The following DLG2 variants were observed in gnomAD, a reference collection of about 807,000 sequenced individuals.
DLG2 encodes disks large homolog 2.
A neutral mutation model predicts 132.5 loss-of-function variants in DLG2; 45 were observed. The ratio of observed to expected loss-of-function variants is 0.34; its 90% CI spans 0.27 to 0.44. DLG2 has a LOEUF of 0.44. DLG2 is among the 20% of genes least tolerant of loss of function. The pLI, the probability that DLG2 is intolerant of heterozygous loss-of-function variation, is 1.00. For missense variants in DLG2, 1,045 were observed against 1,196.9 expected (o/e 0.87, Z 1.87); for synonymous variants, 424 against 419.6 (o/e 1.01, Z -0.13).
At chr11:84,989,827 A>C (rs971932419) in intron 6 of DLG2, among the ~76,000 whole-genome samples, 1 of 152,190 alleles carries the variant, frequency 6.6e-6, no homozygotes, top group African/African-American at 2.4e-5. Flanking sequence ...ACTTACATGA[A>C]TAAGTATAAT....
At chr11:84,545,134 G>C in intron 6 of DLG2, 1 of 445,990 alleles carries the variant, frequency 2.2e-6, no homozygotes, top group Non-Finnish European at 4.4e-6. Flanking sequence ...GCAGTAATTA[G>C]AATTTTTGCC....
chr11:85,313,062 T>C (rs1050513637), intron 3 of DLG2, among the ~76,000 whole-genome samples: 1 of 151,928 alleles, frequency 6.6e-6, no homozygotes, highest in Admixed American at 6.6e-5. Context: ...AGACCATACA[T>C]GATGTGTGTC....
intron 7 of DLG2, among the ~76,000 whole-genome samples, chr11:84,407,458 CA>C (rs1342422535): frequency 1.3e-5 from 2 of 152,146 alleles, no homozygotes; most frequent in Non-Finnish European, 2.9e-5. Flanking sequence ...TAAGGCCATA[CA>C]TTTTGGATTT....
chr11:84,369,115 C>CA (rs2154427660), intron 7 of DLG2, among the ~76,000 whole-genome samples: 1 of 151,822 alleles, frequency 6.6e-6, no homozygotes, highest in African/African-American at 2.4e-5. Context: ...TTTTATACTG[C>CA]AATATGGCCG....
chr11:85,350,827 T>C (rs1394579950), intron 3 of DLG2, among the ~76,000 whole-genome samples: 1 of 151,954 alleles, frequency 6.6e-6, no homozygotes, highest in African/African-American at 2.4e-5. Context: ...TAGTATAGTT[T>C]GAAGTCAGGT....
Position 84,140,346 on chromosome 11 carries a change from G to A in DLG2, c.624+23115C>T, listed in dbSNP as rs2094788511. 2.6e-5 allele frequency among the ~76,000 whole-genome samples: 4 copies of A among 152,182 alleles called. 1 individual carries two copies. Among genetic ancestry groups the A allele is most frequent in the Middle Eastern group, 6.8e-3 (2 of 294 alleles). ...ATCTAAGAAATAATTTGAAAATAGT[G>A]ACGTAATATGAAATATGAGATGTAT... On this transcript the variant is annotated intron_variant, in intron 9 of 27. Coordinates refer to ENST00000376104, the MANE Select transcript of DLG2 (RefSeq NM_001142699.3).
intron 7 of DLG2, among the ~76,000 whole-genome samples, chr11:84,477,783 G>A (rs1008572707): frequency 3.9e-5 from 6 of 152,134 alleles, no homozygotes; most frequent in African/African-American, 7.2e-5. Flanking sequence ...AGAGACATAC[G>A]AGAATCAGAG....
intron 19 of DLG2, among the ~76,000 whole-genome samples, chr11:83,550,616 G>T (rs694847): frequency 0.63 from 96,079 of 152,006 alleles, 30,532 homozygotes; most frequent in African/African-American, 0.68. Context: ...GGGTGAAGCT[G>T]CAAAGATTAA....
chr11:83,522,835 G>T (rs537670058), intron 21 of DLG2, among the ~76,000 whole-genome samples: 6 of 141,960 alleles, frequency 4.2e-5, no homozygotes, highest in African/African-American at 1.6e-4. Flanking sequence ...TAATCAAAAT[G>T]CAAGGTAATT....
At chr11:84,901,886 T>G (rs2090933405) in intron 6 of DLG2, among the ~76,000 whole-genome samples, 2 of 152,086 alleles carry the variant, frequency 1.3e-5, no homozygotes, top group South Asian at 4.1e-4. Context: ...TTTCTTAGTG[T>G]TGAATTAAGG....
chr11:85,125,880 TTC>T (rs1327897671), intron 5 of DLG2, among the ~76,000 whole-genome samples: 1 of 151,506 alleles, frequency 6.6e-6, no homozygotes, highest in Non-Finnish European at 1.5e-5. Context: ...CTTATGGAGT[TTC>T]TGTCTAGTCA....
intron 17 of DLG2, among the ~76,000 whole-genome samples, chr11:83,795,975 C>A (rs1167957583): frequency 6.6e-6 from 1 of 152,228 alleles, no homozygotes; most frequent in Non-Finnish European, 1.5e-5. Context: ...CTCACTCTTT[C>A]CTCATCTGGA....
intron 17 of DLG2, among the ~76,000 whole-genome samples, chr11:83,816,266 G>C (rs1010854778): frequency 7.2e-5 from 11 of 152,148 alleles, no homozygotes; most frequent in African/African-American, 2.2e-4. Context: ...AGCATCATCA[G>C]ATGGCTACCT....
At chr11:85,152,719 A>G (rs1212803954) in intron 5 of DLG2, among the ~76,000 whole-genome samples, 4 of 152,200 alleles carry the variant, frequency 2.6e-5, no homozygotes, top group African/African-American at 9.6e-5. Context: ...ATAATCTAAC[A>G]TCTGTTTCCA....
At chr11:85,123,941 T>C (rs1439808816) in intron 5 of DLG2, among the ~76,000 whole-genome samples, 1 of 152,202 alleles carries the variant, frequency 6.6e-6, no homozygotes, top group Non-Finnish European at 1.5e-5. Context: ...CTGCAAAGTA[T>C]TATTCACTGA....
chr11:84,136,253 A>G (rs755562929), intron 9 of DLG2, among the ~76,000 whole-genome samples: 1 of 152,188 alleles, frequency 6.6e-6, no homozygotes, highest in Non-Finnish European at 1.5e-5. Context: ...ACAGCAAGAA[A>G]AATGACTTTC....
In DLG2 at chr11:83,776,029, T is replaced by C. The variant is rs561649344; in HGVS notation, c.1825+10661A>G. On this transcript the variant is annotated intron_variant, in intron 18 of 27. Transcript: ENST00000376104. ...ATGGTGTGAACCCAGGAGGTGGAGC[T>C]TGCAGTGAGCAGAGATTGTGCCACT... is the stretch of plus-strand genomic sequence containing the variant. Among the ~76,000 whole-genome samples the C allele has an allele frequency of 3.3e-5, 5 of 152,200 alleles. No homozygotes were observed. The South Asian group carries it at 8.3e-4, about 25-fold the overall frequency.
intron 19 of DLG2, among the ~76,000 whole-genome samples, chr11:83,564,781 G>A (rs139639640): frequency 1.8e-3 from 276 of 152,112 alleles, no homozygotes; most frequent in African/African-American, 5.9e-3. Flanking sequence ...CTCCCCATTC[G>A]TCATCATCAT....
chr11:84,582,011 G>A (rs2099517782), intron 6 of DLG2, among the ~76,000 whole-genome samples: 1 of 150,326 alleles, frequency 6.7e-6, no homozygotes, highest in East Asian at 1.9e-4. Context: ...AAAGAAATTA[G>A]AGCTCTCAGT....
Sources: allele counts gnomAD v4.1 joint callset (sites outside exome capture counted in the v4.1 genomes callset), GRCh38; gene constraint gnomAD v4.1.1; transcripts MANE v1.5; gene names NCBI Gene and HGNC (gene_info 2026-07-23, HGNC 2026-07-21).